Variants in NECTIN1 observed in about 807,000 individuals in gnomAD.
NECTIN1 encodes nectin cell adhesion molecule 1, also known as nectin-1.
NECTIN1 carries 23 observed loss-of-function variants against 48.0 expected under a neutral mutation model. The observed-to-expected ratio is 0.48, with a 90% CI of 0.34 to 0.68. The LOEUF (loss-of-function observed/expected upper bound fraction) is 0.68. Ranked by LOEUF, NECTIN1 falls within the 30% of genes least tolerant of loss-of-function variation. The probability of loss-of-function intolerance (pLI) is 0.01; values close to 1 mark genes in which losing one functional copy is unlikely to be tolerated. For synonymous variants in NECTIN1, 270 were observed against 288.9 expected, an observed-to-expected ratio of 0.93 and a Z score of 0.66; for missense variants, 591 against 709.9, an observed-to-expected ratio of 0.83 and a Z score of 1.90.
chr11:119,666,759 G>A (rs957521895), intron 5 of NECTIN1, among the ~76,000 whole-genome samples: 1 of 152,220 alleles, frequency 6.6e-6, no homozygotes, highest in Non-Finnish European at 1.5e-5. Context: ...TCACTCCATG[G>A]GAATCATGCT....
chr11:119,652,536 C>A (rs1183237112), intron 5 of NECTIN1, among the ~76,000 whole-genome samples: 1 of 152,186 alleles, frequency 6.6e-6, no homozygotes, highest in African/African-American at 2.4e-5. Context: ...TTTTTAAAAG[C>A]CTTGGAAACT....
At position 119,728,600 on chromosome 11, in the gene NECTIN1, C is replaced by T. The variant is rs865953070; in HGVS notation, c.-47G>A. On this transcript the variant is annotated 5_prime_UTR_variant, in exon 1 of 6. Transcript: ENST00000264025. ...GAGGGGCGGCGAGGGCAGCGCTCCT[C>T]GCGCAGCAGAAACCAGCCCGGAAGA... The T allele has an allele frequency of 7.3e-6, 10 of 1,364,326 alleles. No homozygotes were observed. The highest frequency in any genetic ancestry group is 2.0e-4 in the Middle Eastern group (1 of 4,880). The allele number at this position is 1,364,326 out of a possible 1,614,324, so 84.5% of individuals were successfully genotyped here.
Position 119,716,043 on chromosome 11 carries a change from C to T in NECTIN1, c.79+12432G>A, listed in dbSNP as rs577624761. On this transcript the variant is annotated intron_variant, in intron 1 of 5. Coordinates refer to ENST00000264025, the MANE Select transcript of NECTIN1 (RefSeq NM_002855.5). ...AGTGGGATTCCTACAGGGACTGGCA[C>T]TGGGCGCTTGGGGCAGCCAGAATTC... Among the ~76,000 whole-genome samples, 4 of 152,330 alleles carry T rather than the reference C, an allele frequency of 2.6e-5. No homozygotes were observed. The South Asian group carries it at 8.3e-4, about 32-fold the overall frequency.
intron 1 of NECTIN1, among the ~76,000 whole-genome samples, chr11:119,693,650 T>C (rs1865298912): frequency 6.6e-6 from 1 of 151,784 alleles, no homozygotes; most frequent in Non-Finnish European, 1.5e-5. Context: ...CCTCCCTGAG[T>C]TGGGGCACTG....
rs545323412 is a variant in NECTIN1 at position 119,678,373 on chromosome 11, C to T, written c.430+42G>A. The stretch of plus-strand genomic sequence containing the variant: ...TGAGGATGGCCACGCCCCGAGGTCA[C>T]AGGCCTCTGGATGAACAGGGAGGGG... On this transcript the variant is annotated intron_variant, in intron 2 of 5. Coordinates refer to ENST00000264025, the MANE Select transcript of NECTIN1 (RefSeq NM_002855.5). The surrounding 1 kb of genome is among the most constrained non-coding windows in gnomAD (Gnocchi z 4.4). 6.4e-7 allele frequency: 1 copy of T among 1,573,476 alleles called. No homozygotes were observed. The highest frequency in any genetic ancestry group is 2.2e-5 in the East Asian group (1 of 44,666).
chr11:119,673,819 A>G lies in NECTIN1; in HGVS notation c.1003+1340T>C, dbSNP rs1038015685. Among the ~76,000 whole-genome samples, 14 of 152,138 alleles carry G rather than the reference A, an allele frequency of 9.2e-5. No homozygotes were observed. Among genetic ancestry groups the G allele is most frequent in the African/African-American group, 3.4e-4 (14 of 41,424 alleles). On this transcript the variant is annotated intron_variant, in intron 5 of 5. Transcript: ENST00000264025. This position sits in a 1 kb window ranked among gnomAD's most constrained non-coding sequence, Gnocchi z 5.8. Reference sequence around the variant, plus strand: ...ACTTGGACCTTCCCCGCTGGGGAGAAGTGTGTGACACCGGCCCCTTCCACC... The same window carrying G: ...ACTTGGACCTTCCCCGCTGGGGAGAGGTGTGTGACACCGGCCCCTTCCACC...
At chr11:119,688,505 C>A (rs1865198648) in intron 1 of NECTIN1, among the ~76,000 whole-genome samples, 1 of 152,154 alleles carries the variant, frequency 6.6e-6, no homozygotes, top group African/African-American at 2.4e-5. Context: ...AGATCCCTGG[C>A]CTCTACCCAA....
chr11:119,661,233 T>C lies in NECTIN1; in HGVS notation c.*3514A>G, dbSNP rs533973297. On this transcript the variant is annotated 3_prime_UTR_variant, in exon 6 of 6. Coordinates refer to ENST00000264025, the MANE Select transcript of NECTIN1 (RefSeq NM_002855.5). ...GCTTCTCCTGGATTCTTTTCATTTA[T>C]ACAAAAAAGGAAAACCAATTTTTTC... 1.0e-5 allele frequency: 10 copies of C among 985,810 alleles called. No homozygotes were observed. In the African/African-American group the frequency reaches 1.4e-4, roughly 14 times the overall value. The allele number at this position is 985,810 out of a possible 1,614,324, so 61.1% of individuals were successfully genotyped here.
intron 1 of NECTIN1, among the ~76,000 whole-genome samples, chr11:119,691,612 G>A (rs1223054775): frequency 6.6e-6 from 1 of 152,242 alleles, no homozygotes; most frequent in Admixed American, 6.5e-5. Flanking sequence ...GCTGAAAGGG[G>A]CGGTGGGAAG....
intron 1 of NECTIN1, among the ~76,000 whole-genome samples, chr11:119,718,786 C>T (rs1865783376): frequency 6.6e-6 from 1 of 152,144 alleles, no homozygotes; most frequent in Non-Finnish European, 1.5e-5. Flanking sequence ...ATGAATACTC[C>T]CAAGACACAA....
intron 5 of NECTIN1, among the ~76,000 whole-genome samples, chr11:119,668,204 C>G (rs566515506): frequency 1.3e-5 from 2 of 152,246 alleles, no homozygotes; most frequent in African/African-American, 2.4e-5. Flanking sequence ...CCTTCTAAAC[C>G]CTCTCCATTC....
At chr11:119,654,438 C>T (rs1441917998) in intron 5 of NECTIN1, among the ~76,000 whole-genome samples, 1 of 152,202 alleles carries the variant, frequency 6.6e-6, no homozygotes. Context: ...GGAGGACACA[C>T]AGACAATTCC....
rs1323899172 is a variant in NECTIN1, at chr11:119,709,630, C to T, written c.79+18845G>A. ...AGGGAGGGGAGCCCCGTGTGGGAAG[C>T]CTGAAAGGAGCCTGGGAAAGACTGG... On this transcript the variant is annotated intron_variant, in intron 1 of 5. Coordinates refer to ENST00000264025, the MANE Select transcript of NECTIN1 (RefSeq NM_002855.5). The surrounding 1 kb of genome is among the most constrained non-coding windows in gnomAD (Gnocchi z 4.1). Among the ~76,000 whole-genome samples the T allele has an allele frequency of 1.3e-5, 2 of 152,080 alleles. No individual in the cohort carries two copies. Among genetic ancestry groups the T allele is most frequent in the Non-Finnish European group, 2.9e-5 (2 of 68,004 alleles).
intron 1 of NECTIN1, among the ~76,000 whole-genome samples, chr11:119,693,372 C>T (rs752466890): frequency 2.4e-4 from 36 of 152,194 alleles, no homozygotes; most frequent in South Asian, 2.1e-4. Context: ...GACAGCTGCA[C>T]GCATCAAGCA....
downstream of NECTIN1, among the ~76,000 whole-genome samples, chr11:119,660,819 G>C (rs1032456643): frequency 2.6e-5 from 4 of 152,082 alleles, no homozygotes; most frequent in Non-Finnish European, 4.4e-5. Context: ...AGATGGTTCC[G>C]GGGCAGCCTG....
Position 119,661,060 on chromosome 11 carries a change from T to C in NECTIN1, c.*3687A>G. ...CTCAGTACATTTTCAACCCATCATT[T>C]TTTTTTAATACAAGTAAAAGGGGGT... is the stretch of plus-strand genomic sequence containing the variant. On this transcript the variant is annotated 3_prime_UTR_variant, in exon 6 of 6. Transcript: ENST00000264025. 2 of 981,210 alleles carry C rather than the reference T, an allele frequency of 2.0e-6. No individual in the cohort carries two copies. Among genetic ancestry groups the C allele is most frequent in the Non-Finnish European group, 2.4e-6 (2 of 825,718 alleles). The allele number at this position is 981,210 out of a possible 1,614,324, so 60.8% of individuals were successfully genotyped here.
At chr11:119,676,851 A>G (rs1864959387) in intron 4 of NECTIN1, 1 of 549,022 alleles carries the variant, frequency 1.8e-6, no homozygotes, top group Non-Finnish European at 3.3e-6. Context: ...AGAGGGAGGG[A>G]AGCAGATCAC....
intron 5 of NECTIN1, among the ~76,000 whole-genome samples, chr11:119,644,988 A>G (rs780524721): frequency 7.9e-5 from 12 of 152,130 alleles, no homozygotes; most frequent in Non-Finnish European, 1.6e-4. Context: ...AGCTGGATTG[A>G]TAAGGGCTGT....
intron 6 of NECTIN1, among the ~76,000 whole-genome samples, chr11:119,639,068 G>A (rs1007812808): frequency 6.6e-6 from 1 of 152,192 alleles, no homozygotes; most frequent in Non-Finnish European, 1.5e-5. Context: ...AACCATGTGA[G>A]TCTCAGGTTT....
Sources: allele counts gnomAD v4.1 joint callset (sites outside exome capture counted in the v4.1 genomes callset), GRCh38; gene constraint gnomAD v4.1.1; non-coding constraint Gnocchi (gnomAD v3.1); transcripts MANE v1.5; gene names NCBI Gene and HGNC (gene_info 2026-07-23, HGNC 2026-07-21).